Variants in SSH2 observed in about 807,000 individuals in gnomAD.
SSH2 encodes the protein protein phosphatase Slingshot homolog 2.
In SSH2, 37 loss-of-function variants were observed where a neutral mutation model predicts 135.2. That is an observed-to-expected ratio of 0.27 (90% CI 0.21 to 0.36). The LOEUF (loss-of-function observed/expected upper bound fraction) is 0.36. Ranked by LOEUF, SSH2 falls within the 10% of genes least tolerant of loss-of-function variation. The pLI is 1.00. For synonymous variants in SSH2, 628 were observed against 646.2 expected (o/e 0.97, Z 0.43); for missense variants, 1,408 against 1,765.3 (o/e 0.80, Z 3.63).
At chr17:29,885,798 A>G (rs542250988) in intron 1 of SSH2, among the ~76,000 whole-genome samples, 39 of 152,224 alleles carry the variant, frequency 2.6e-4, no homozygotes, top group African/African-American at 8.4e-4. Context: ...ATGGTTTTAT[A>G]AAGTGGATTT....
intron 3 of SSH2, among the ~76,000 whole-genome samples, chr17:29,727,584 T>A (rs1403477295): frequency 1.3e-5 from 2 of 152,214 alleles, no homozygotes; most frequent in African/African-American, 2.4e-5. Context: ...GTCCAGAGAA[T>A]AAGATTTGAT....
At chr17:29,733,520 C>CT (rs2040266877) in intron 3 of SSH2, among the ~76,000 whole-genome samples, 1 of 152,156 alleles carries the variant, frequency 6.6e-6, no homozygotes, top group African/African-American at 2.4e-5. Flanking sequence ...TTTCTAATGT[C>CT]ACTAAAGAGG....
At chr17:29,848,365 G>A (rs2065483850) in intron 2 of SSH2, among the ~76,000 whole-genome samples, 1 of 152,146 alleles carries the variant, frequency 6.6e-6, no homozygotes, top group African/African-American at 2.4e-5. Flanking sequence ...ATCAGGTCGG[G>A]TTTCCAGTCC....
At chr17:29,652,115 C>G (rs2036601056) in intron 12 of SSH2, among the ~76,000 whole-genome samples, 1 of 152,134 alleles carries the variant, frequency 6.6e-6, no homozygotes, top group East Asian at 1.9e-4. Context: ...GCACTCCAGT[C>G]TGGGCAATAA....
chr17:29,676,622 A>T (rs1267023496), intron 8 of SSH2, 198 bp downstream of exon 8: 7 of 498,266 alleles, frequency 1.4e-5, no homozygotes, highest in Non-Finnish European at 2.5e-5. Context: ...TCTGAATTTC[A>T]CTTGTTCACC....
intron 2 of SSH2, among the ~76,000 whole-genome samples, chr17:29,815,414 G>A (rs2042540529): frequency 6.6e-6 from 1 of 152,090 alleles, no homozygotes; most frequent in African/African-American, 2.4e-5. Flanking sequence ...TAGCCACCGT[G>A]CCTGGCCCCT....
At position 29,670,562 on chromosome 17, in the gene SSH2, G is replaced by A. The variant is rs550290148; in HGVS notation, c.809+1373C>T. 5.9e-5 allele frequency among the ~76,000 whole-genome samples: 9 copies of A among 152,180 alleles called. No homozygotes were observed. The East Asian group carries it at 1.4e-3, about 23-fold the overall frequency. On this transcript the variant is annotated intron_variant, in intron 9 of 15. Transcript: ENST00000540801. ...TGTAATCCCAGCACTTTGGGAGGCC[G>A]AGGCAGGCAGAGACCAGCCTGGTCA...
intron 3 of SSH2, among the ~76,000 whole-genome samples, chr17:29,789,487 C>T (rs1292985097): frequency 2.0e-5 from 3 of 152,182 alleles, no homozygotes; most frequent in African/African-American, 4.8e-5. Flanking sequence ...ACTGTGACTA[C>T]GCATTATCCT....
intron 1 of SSH2, among the ~76,000 whole-genome samples, chr17:29,877,682 A>T (rs539450785): frequency 1.3e-5 from 2 of 152,168 alleles, no homozygotes; most frequent in Non-Finnish European, 2.9e-5. Flanking sequence ...AAACAATTGA[A>T]CTCATGGAGA....
At chr17:29,680,241 T>C (rs1008498181) in intron 6 of SSH2, among the ~76,000 whole-genome samples, 1 of 152,028 alleles carries the variant, frequency 6.6e-6, no homozygotes, top group African/African-American at 2.4e-5. Flanking sequence ...TCCACTACAC[T>C]TGCTGGCCTG....
rs150685174 is a variant in SSH2 at position 29,701,757 on chromosome 17, G to C, written c.292+1202C>G. On this transcript the variant is annotated intron_variant, in intron 4 of 15. Transcript: ENST00000540801. ...AGCTAATTTTTGTATTTTTAGTAGA[G>C]ACAGCGTTTCACCATGTTGGCCAGG... Among the ~76,000 whole-genome samples the C allele has an allele frequency of 5.9e-5, 9 of 151,764 alleles. No individual in the cohort carries two copies. The East Asian group carries it at 1.8e-3, about 30-fold the overall frequency.
At chr17:29,890,282 T>C (rs1429669876) in intron 1 of SSH2, among the ~76,000 whole-genome samples, 2 of 152,142 alleles carry the variant, frequency 1.3e-5, no homozygotes, top group Non-Finnish European at 2.9e-5. Flanking sequence ...AGAGTTATCA[T>C]ATGCTCTAGC....
Position 29,747,078 on chromosome 17 carries a change from A to C in SSH2, c.189-44016T>G, listed in dbSNP as rs142078851. Among the ~76,000 whole-genome samples the C allele has an allele frequency of 1.8e-3, 277 of 152,342 alleles. 2 individuals are homozygous for C. The highest frequency in any genetic ancestry group is 6.3e-3 in the African/African-American group (262 of 41,574). ...GGATAAATATTAAGTACAGATGATA[A>C]AAGTAACAACCATAACTGGAATTTT... is the stretch of plus-strand genomic sequence containing the variant. On this transcript the variant is annotated intron_variant, in intron 3 of 15. Coordinates refer to ENST00000540801, the MANE Select transcript of SSH2 (RefSeq NM_001282129.2).
chr17:29,669,710 A>G (rs892244605), intron 9 of SSH2, among the ~76,000 whole-genome samples: 1 of 152,156 alleles, frequency 6.6e-6, no homozygotes, highest in Non-Finnish European at 1.5e-5. Flanking sequence ...GATATATCTC[A>G]AAATTAGGGT....
chr17:29,819,149 C>T (rs746893330), intron 2 of SSH2, among the ~76,000 whole-genome samples: 2 of 151,842 alleles, frequency 1.3e-5, no homozygotes, highest in East Asian at 1.9e-4. Flanking sequence ...TCACTTGAAC[C>T]GGGGAGGTGG....
In SSH2 at chr17:29,636,750, C is replaced by T; in HGVS notation, c.1480G>A (p.Asp494Asn). 1 of 1,613,948 alleles carries T rather than the reference C, an allele frequency of 6.2e-7. No homozygotes were observed. The highest frequency in any genetic ancestry group is 8.5e-7 in the Non-Finnish European group (1 of 1,179,992). Reference protein sequence around the residue: ...WRSHSDSDLSDHHEPICKPGL... With the variant: ...WRSHSDSDLSNHHEPICKPGL... ...GGTTTGCAGATGGGTTCGTGGTGGTCTGAGAGGTCACTATCTGAATGAGAT... is the reference window on the plus strand; with the variant it reads ...GGTTTGCAGATGGGTTCGTGGTGGTTTGAGAGGTCACTATCTGAATGAGAT... Residue 494 changes from aspartate to asparagine, a missense_variant, in exon 15 of 16, where the codon GAC becomes AAC. Transcript: ENST00000540801.
In SSH2 at chr17:29,650,795, C is replaced by T. The variant is rs747725784; in HGVS notation, c.1085G>A (p.Arg362Gln). The T allele has an allele frequency of 5.6e-6, 9 of 1,604,436 alleles. No individual in the cohort carries two copies. The highest frequency in any genetic ancestry group is 1.7e-5 in the Admixed American group (1 of 58,876). ...NLEDLQNRGV[R>Q]YILNVTREID... ...CTCTCGAGTGACATTCAAGATATAC[C>T]GTACCCTGCAAGGAAACCAAGGGAG... is the stretch of plus-strand genomic sequence containing the variant. The change falls in exon 13 of 16, where the codon CGG becomes CAG. Residue 362 changes from arginine (R) to glutamine (Q), a missense_variant. This residue lies in a region of SSH2 where 106 missense variants were observed against 265.2 expected (regional missense o/e 0.40). Coordinates refer to ENST00000540801, the MANE Select transcript of SSH2 (RefSeq NM_001282129.2).
intron 1 of SSH2, among the ~76,000 whole-genome samples, chr17:29,851,084 AACATTT>A (rs1414743967): frequency 6.6e-6 from 1 of 152,180 alleles, no homozygotes; most frequent in Non-Finnish European, 1.5e-5. Flanking sequence ...GGAGAATAAG[AACATTT>A]ACTCTCCATC....
At chr17:29,736,619 C>T (rs60757849) in intron 3 of SSH2, among the ~76,000 whole-genome samples, 1 of 150,342 alleles carries the variant, frequency 6.7e-6, no homozygotes, top group African/African-American at 2.5e-5. Flanking sequence ...AACCCTGTCT[C>T]TACTAAAAAT....
Sources: gnomAD v4.1 joint callset for allele counts (sites outside exome capture counted in the v4.1 genomes callset) on GRCh38, gnomAD v4.1.1 for gene constraint, gnomAD v4.1.1 regional missense constraint, MANE v1.5 for transcripts, NCBI Gene and HGNC (gene_info 2026-07-23, HGNC 2026-07-21) for gene names.